The following ANKMY1 variants were observed in gnomAD, a reference collection of about 807,000 sequenced individuals.
ANKMY1 encodes ankyrin repeat and MYND domain-containing protein 1.
Under a neutral mutation model 102.0 loss-of-function variants are expected in ANKMY1, and 98 were observed. That is an observed-to-expected ratio of 0.96 (90% confidence interval 0.82 to 1.14). ANKMY1 has a LOEUF of 1.14. ANKMY1 is among the 50% of genes most tolerant of loss of function. The probability of loss-of-function intolerance (pLI) is 0.00; values close to 1 mark genes in which losing one functional copy is unlikely to be tolerated. For synonymous variants in ANKMY1, 582 were observed against 559.9 expected, an observed-to-expected ratio of 1.04 and a Z score of -0.56; for missense variants, 1,330 against 1,347.6, an observed-to-expected ratio of 0.99 and a Z score of 0.20.
intron 4 of ANKMY1, among the ~76,000 whole-genome samples, chr2:240,543,405 G>C (rs995170690): frequency 6.6e-6 from 1 of 151,510 alleles, no homozygotes; most frequent in Non-Finnish European, 1.5e-5. Context: ...CTTCAGAATT[G>C]CCAGCATATA....
chr2:240,469,032 G>A, the ANKMY1 span, among the ~76,000 whole-genome samples: 13 of 152,198 alleles, frequency 8.5e-5, no homozygotes, highest in Non-Finnish European at 1.5e-4. Flanking sequence ...GGCGGGCCAG[G>A]GGATGCAGCC....
intron 9 of ANKMY1, among the ~76,000 whole-genome samples, chr2:240,514,860 C>A (rs1474349166): frequency 6.6e-6 from 1 of 152,200 alleles, no homozygotes; most frequent in Non-Finnish European, 1.5e-5. Flanking sequence ...CTGCCCTGCC[C>A]TCTGCCTCAG....
intron 9 of ANKMY1, among the ~76,000 whole-genome samples, chr2:240,517,488 C>T (rs996560955): frequency 2.0e-5 from 3 of 152,140 alleles, no homozygotes; most frequent in Admixed American, 6.5e-5. Context: ...AATATTCCCG[C>T]AAAGCCAACT....
chr2:240,518,716 G>A (rs1377781275), intron 9 of ANKMY1, among the ~76,000 whole-genome samples: 2 of 152,208 alleles, frequency 1.3e-5, no homozygotes, highest in Non-Finnish European at 2.9e-5. Flanking sequence ...GAATAAACAT[G>A]TGACACAGTG....
At chr2:240,528,293 A>ACCC (rs562534743) in intron 5 of ANKMY1, among the ~76,000 whole-genome samples, 27 of 79,048 alleles carry the variant, frequency 3.4e-4, no homozygotes, top group East Asian at 1.2e-3. Context: ...GCCTGCCCCC[A>ACCC]CCCCCCCCCC....
chr2:240,523,778 A>G, intron 8 of ANKMY1, 107 bp downstream of exon 8: 1 of 1,474,214 alleles, frequency 6.8e-7, no homozygotes, highest in Non-Finnish European at 9.1e-7. Flanking sequence ...ACACATCTCC[A>G]GACACAACGC....
In ANKMY1 at chr2:240,530,300, T is replaced by C. The variant is rs575530164; in HGVS notation, c.481-791A>G. On this transcript the variant is annotated intron_variant, in intron 4 of 17. Transcript: ENST00000401804. ...CAAATCCCAACCCACCCAAATCCCA[T>C]GTCAAATTGTACTCCCCAGTGTTGC... 2.8e-5 allele frequency among the ~76,000 whole-genome samples: 4 copies of C among 145,406 alleles called. No individual in the cohort carries two copies. In the East Asian group the frequency reaches 9.3e-4, roughly 34 times the overall value.
intron 15 of ANKMY1, among the ~76,000 whole-genome samples, chr2:240,485,588 T>C (rs1409353395): frequency 3.3e-5 from 5 of 152,090 alleles, no homozygotes; most frequent in Non-Finnish European, 7.4e-5. Context: ...AATCTTCTTT[T>C]TTTTTTTTCT....
rs1442668702 is a variant in ANKMY1, at chr2:240,499,084, T to C, written c.2806+874A>G. On this transcript the variant is annotated intron_variant, in intron 15 of 17. Transcript: ENST00000401804. This position sits in a 1 kb window ranked among gnomAD's most constrained non-coding sequence, Gnocchi z 4.2. Reference sequence around the variant, plus strand: ...TGGAAGTGTGTGGGGCGGAGCACTGTGTGCTGGGAAGGCACCTGGGGTGTT... The same window carrying C: ...TGGAAGTGTGTGGGGCGGAGCACTGCGTGCTGGGAAGGCACCTGGGGTGTT... Among the ~76,000 whole-genome samples the C allele has an allele frequency of 6.6e-5, 10 of 152,242 alleles. No homozygotes were observed. Among genetic ancestry groups the C allele is most frequent in the Non-Finnish European group, 1.3e-4 (9 of 67,990 alleles).
intron 4 of ANKMY1, among the ~76,000 whole-genome samples, chr2:240,545,093 A>C (rs1433414597): frequency 1.3e-5 from 2 of 148,320 alleles, no homozygotes; most frequent in African/African-American, 4.8e-5. Context: ...TAACCTCTGC[A>C]GACTTAAATG....
At chr2:240,549,206 C>T (rs1178394377) in intron 4 of ANKMY1, among the ~76,000 whole-genome samples, 182 of 151,126 alleles carry the variant, frequency 1.2e-3, no homozygotes, top group African/African-American at 4.1e-3. Context: ...TCAGAAATAA[C>T]GCCGCATATC....
At chr2:240,488,178 C>T (rs2151906744) in intron 15 of ANKMY1, among the ~76,000 whole-genome samples, 1 of 152,294 alleles carries the variant, frequency 6.6e-6, no homozygotes, top group Admixed American at 6.5e-5. Flanking sequence ...CACTTTCATT[C>T]TTCTGCATGT....
intron 4 of ANKMY1, among the ~76,000 whole-genome samples, chr2:240,540,933 C>G (rs1387120684): frequency 6.6e-6 from 1 of 152,212 alleles, no homozygotes; most frequent in Non-Finnish European, 1.5e-5. Flanking sequence ...AGAAGCGTTC[C>G]TGATTGCCTC....
rs140608663 is a variant in ANKMY1 at position 240,521,749 on chromosome 2, C to T, written c.1833-1216G>A. Among the ~76,000 whole-genome samples, 116 of 152,188 alleles carry T rather than the reference C, an allele frequency of 7.6e-4. No individual in the cohort carries two copies. The East Asian group carries it at 0.02, about 26-fold the overall frequency. On this transcript the variant is annotated intron_variant, in intron 8 of 17. Transcript: ENST00000401804. ...TCCTGACCTCGTGATCCACCTGCCT[C>T]GGCCTCCCAAAGTGCTGGGATTACA...
chr2:240,550,368 TGGGGGGA>T (rs2091280966), intron 4 of ANKMY1, among the ~76,000 whole-genome samples: 1 of 70,776 alleles, frequency 1.4e-5, no homozygotes, highest in African/African-American at 5.9e-5. Flanking sequence ...TGCTGTGGGG[TGGGGGGA>T]GGGGGGAGGG....
At chr2:240,538,530 G>A (rs1020783829) in intron 4 of ANKMY1, among the ~76,000 whole-genome samples, 9 of 152,162 alleles carry the variant, frequency 5.9e-5, no homozygotes, top group African/African-American at 1.2e-4. Flanking sequence ...GGCAGGGCTC[G>A]GGACCTGCAG....
chr2:240,554,584 T>C (rs1449793914), intron 3 of ANKMY1: 3 of 393,142 alleles, frequency 7.6e-6, no homozygotes, highest in Non-Finnish European at 9.3e-6. Context: ...TACGAGTTGC[T>C]ATGGCAATTC....
intron 11 of ANKMY1, among the ~76,000 whole-genome samples, chr2:240,509,851 AGAG>A (rs1316233566): frequency 6.6e-6 from 1 of 151,972 alleles, no homozygotes; most frequent in African/African-American, 2.4e-5. Flanking sequence ...CAGTGATCGT[AGAG>A]GACGGCCTGA....
intron 5 of ANKMY1, 46 bp from the exon 6 acceptor site, chr2:240,526,491 C>T (rs1005461143): frequency 1.2e-6 from 2 of 1,610,682 alleles, no homozygotes; most frequent in Non-Finnish European, 1.7e-6. Context: ...GGTTCTGCAC[C>T]TCCCACGAGA....
Sources: gnomAD v4.1 joint callset for allele counts (sites outside exome capture counted in the v4.1 genomes callset) on GRCh38, gnomAD v4.1.1 for gene constraint, Gnocchi (gnomAD v3.1) non-coding constraint, MANE v1.5 for transcripts, NCBI Gene and HGNC (gene_info 2026-07-23, HGNC 2026-07-21) for gene names.